The following CD80 variants were observed in gnomAD, a reference collection of about 807,000 sequenced individuals.
CD80 encodes CD80 molecule, also known as T-lymphocyte activation antigen CD80.
Under a neutral mutation model 27.1 loss-of-function variants are expected in CD80, and 13 were observed. The ratio of observed to expected loss-of-function variants is 0.48; its 90% CI spans 0.31 to 0.76. The LOEUF is 0.76. Ranked by LOEUF, CD80 falls within the 30% of genes least tolerant of loss-of-function variation. CD80 has a pLI of 0.04. For synonymous variants in CD80, 125 were observed against 125.5 expected, an observed-to-expected ratio of 1.00 and a Z score of 0.03; for missense variants, 277 against 347.9, an observed-to-expected ratio of 0.80 and a Z score of 1.62.
intron 5 of CD80, among the ~76,000 whole-genome samples, chr3:119,528,630 G>A (rs2082091494): frequency 6.6e-6 from 1 of 152,142 alleles, no homozygotes; most frequent in African/African-American, 2.4e-5. Context: ...ACCTATGTGT[G>A]TGGCACTCTA....
Position 119,527,832 on chromosome 3 carries a change from G to A in CD80, c.806C>T (p.Pro269Leu). The A allele has an allele frequency of 1.2e-6, 2 of 1,613,514 alleles. No homozygotes were observed. The highest frequency in any genetic ancestry group is 1.7e-6 in the Non-Finnish European group (2 of 1,179,552). The change falls in exon 6 of 7, where the codon CCA becomes CTA. Residue 269 changes from proline to leucine, a missense_variant. Coordinates refer to ENST00000264246, the MANE Select transcript of CD80 (RefSeq NM_005191.4). ...VICCLTYCFAPRCRERRRNER... is the reference protein window; with the variant it reads ...VICCLTYCFALRCRERRRNER... The stretch of plus-strand genomic sequence containing the variant: ...ATTCCTCCTTCTCTCTCTGCATCTT[G>A]GGGCAAAGCCTTGGAGACAAGAACA...
intron 3 of CD80, among the ~76,000 whole-genome samples, chr3:119,539,616 T>C (rs2082156835): frequency 6.6e-6 from 1 of 152,138 alleles, no homozygotes; most frequent in African/African-American, 2.4e-5. Flanking sequence ...CCCCATAAGA[T>C]TCTGAAGTAC....
Position 119,537,154 on chromosome 3 carries a change from G to T in CD80, c.683C>A (p.Thr228Asn). ...TCACTTACTTGTATTCCAGTTGAAG[G>T]TCTGATTCACTCTTAAATGTCCATA... ...IKYGHLRVNQ[T>N]FNWNTTKQEH... Residue 228 changes from threonine (T) to asparagine (N), a missense_variant, in exon 4 of 7, where the codon ACC (threonine) becomes AAC (asparagine). Physicochemically the swap from Thr to Asn is moderately conservative, Grantham distance 65. Coordinates refer to ENST00000264246, the MANE Select transcript of CD80 (RefSeq NM_005191.4). The T allele has an allele frequency of 1.2e-6, 2 of 1,613,292 alleles. No homozygotes were observed. The highest frequency in any genetic ancestry group is 2.2e-5 in the East Asian group (1 of 44,864).
chr3:119,549,737 T>C (rs2082221405), intron 2 of CD80, among the ~76,000 whole-genome samples: 1 of 152,216 alleles, frequency 6.6e-6, no homozygotes, highest in African/African-American at 2.4e-5. Flanking sequence ...TCCAGGCACC[T>C]CTTCAGCAAT....
At chr3:119,526,465 G>A (rs2107738338) in intron 6 of CD80, among the ~76,000 whole-genome samples, 1 of 152,268 alleles carries the variant, frequency 6.6e-6, no homozygotes, top group Non-Finnish European at 1.5e-5. Flanking sequence ...AGCATTCAGT[G>A]GAAATGAAAA....
Position 119,544,959 on chromosome 3 carries a change from G to T in CD80, c.101-92C>A, listed in dbSNP as rs561831559. ...CCAAAGTCGGCAGTAACAGAACTTA[G>T]GGTGTTGTGTCTAGTGACTAAGTAT... is the stretch of plus-strand genomic sequence containing the variant. On this transcript the variant is annotated intron_variant, in intron 2 of 6. Transcript: ENST00000264246. 10 of 1,000,826 alleles carry T rather than the reference G, an allele frequency of 1.0e-5. No homozygotes were observed. In the African/African-American group the frequency reaches 1.6e-4, roughly 16 times the overall value. 62.0% of individuals were successfully genotyped at this position (1,000,826 alleles called of 1,614,324 possible).
chr3:119,552,626 A>G (rs1577113334), intron 2 of CD80, among the ~76,000 whole-genome samples: 1 of 151,900 alleles, frequency 6.6e-6, no homozygotes, highest in East Asian at 1.9e-4. Flanking sequence ...GCTTGAGCCC[A>G]GGAAATCGAG....
At chr3:119,556,728 G>A (rs976404221) in intron 2 of CD80, among the ~76,000 whole-genome samples, 7 of 152,128 alleles carry the variant, frequency 4.6e-5, no homozygotes, top group Middle Eastern at 3.2e-3. Context: ...TTAAGACAAG[G>A]ACCCTTAATA....
At position 119,526,328 on chromosome 3, in the gene CD80, C is replaced by A. The variant is rs577429393; in HGVS notation, c.*39-579G>T. ...GGCCTTGTGTAGAAGATTGGGTACA[C>A]GGCTTCATTTTGAAGTATCAGCAGA... On this transcript the variant is annotated intron_variant, in intron 6 of 6. Transcript: ENST00000264246. Among the ~76,000 whole-genome samples the A allele has an allele frequency of 2.0e-5, 3 of 152,254 alleles. No individual in the cohort carries two copies. The South Asian group carries it at 6.2e-4, about 32-fold the overall frequency.
chr3:119,533,257 C>T (rs1024064099), intron 4 of CD80, among the ~76,000 whole-genome samples: 12 of 152,296 alleles, frequency 7.9e-5, no homozygotes, highest in South Asian at 4.1e-4. Context: ...AGGTACAGAG[C>T]GGTGTGAGGG....
At chr3:119,540,617 T>A (rs1233929077) in intron 3 of CD80, among the ~76,000 whole-genome samples, 1 of 152,250 alleles carries the variant, frequency 6.6e-6, no homozygotes. Flanking sequence ...AACATCAATA[T>A]GTTTTGTGTT....
intron 4 of CD80, among the ~76,000 whole-genome samples, chr3:119,532,327 C>A (rs1476445541): frequency 6.6e-6 from 1 of 152,024 alleles, no homozygotes; most frequent in Non-Finnish European, 1.5e-5. Flanking sequence ...CATAGTGAAA[C>A]CCTGTCTCTA....
intron 2 of CD80, among the ~76,000 whole-genome samples, chr3:119,553,893 C>T (rs188633572): frequency 5.4e-4 from 83 of 152,362 alleles, no homozygotes; most frequent in Admixed American, 1.0e-3. Flanking sequence ...ACTCTTCCAA[C>T]AGGAGTGACC....
chr3:119,553,191 G>C (rs1383318310), intron 2 of CD80, among the ~76,000 whole-genome samples: 1 of 151,618 alleles, frequency 6.6e-6, no homozygotes, highest in Non-Finnish European at 1.5e-5. Context: ...CCATGCTGGA[G>C]TGCAGTGGCA....
rs1297819086 is a variant in CD80, at chr3:119,525,206, A to G, written c.*582T>C. 2 of 152,240 alleles carry G rather than the reference A, an allele frequency of 1.3e-5. No homozygotes were observed. The highest frequency in any genetic ancestry group is 2.9e-5 in the Non-Finnish European group (2 of 68,050). The allele number at this position is 152,240 out of a possible 1,614,324, so 9.4% of individuals were successfully genotyped here. On this transcript the variant is annotated 3_prime_UTR_variant, in exon 7 of 7. Transcript: ENST00000264246. ...AAAAATGGAATACTGGGTAAACACC[A>G]ATAATATTTCCATTAGTCTCCTAAA... is the stretch of plus-strand genomic sequence containing the variant.
chr3:119,538,843 A>G (rs2082152548), intron 3 of CD80, among the ~76,000 whole-genome samples: 1 of 151,992 alleles, frequency 6.6e-6, no homozygotes, highest in Admixed American at 6.6e-5. Context: ...TAATTTACAA[A>G]CCTGTGACCT....
intron 3 of CD80, among the ~76,000 whole-genome samples, chr3:119,543,301 T>C (rs778873006): frequency 3.1e-4 from 47 of 152,216 alleles, no homozygotes; most frequent in Non-Finnish European, 6.5e-4. Flanking sequence ...AGACCAGAAA[T>C]GCTTGCCTTC....
chr3:119,552,183 T>C (rs1206438552), intron 2 of CD80, among the ~76,000 whole-genome samples: 1 of 152,124 alleles, frequency 6.6e-6, no homozygotes, highest in Non-Finnish European at 1.5e-5. Flanking sequence ...AGACCAAGAA[T>C]TTTAGACAAA....
chr3:119,548,595 C>G (rs918532349), intron 2 of CD80, among the ~76,000 whole-genome samples: 2 of 152,196 alleles, frequency 1.3e-5, no homozygotes, highest in African/African-American at 4.8e-5. Flanking sequence ...CCCAGTTTTA[C>G]ACATTTTTTT....
Sources: gnomAD v4.1 joint callset for allele counts (sites outside exome capture counted in the v4.1 genomes callset) on GRCh38, gnomAD v4.1.1 for gene constraint, MANE v1.5 for transcripts, NCBI Gene and HGNC (gene_info 2026-07-23, HGNC 2026-07-21) for gene names.